Variants in ARHGAP44 observed in about 807,000 individuals in gnomAD.
The protein encoded by ARHGAP44 is rho GTPase-activating protein 44.
ARHGAP44 carries 43 observed loss-of-function variants against 106.8 expected under a neutral mutation model. That is an observed-to-expected ratio of 0.40 (90% confidence interval 0.32 to 0.52). The LOEUF is 0.52. Among genes scored for constraint, ARHGAP44 ranks in the 20% least tolerant of loss-of-function variants. The pLI is 0.48. For missense variants in ARHGAP44, 866 were observed against 1,050.5 expected, an observed-to-expected ratio of 0.82 and a Z score of 2.43; for synonymous variants, 439 against 410.3, an observed-to-expected ratio of 1.07 and a Z score of -0.85.
At chr17:12,854,792 C>G (rs1166374627) in intron 1 of ARHGAP44, among the ~76,000 whole-genome samples, 1 of 151,948 alleles carries the variant, frequency 6.6e-6, no homozygotes, top group Non-Finnish European at 1.5e-5. Flanking sequence ...AACCTCGTCT[C>G]TACTAAAAAT....
intron 16 of ARHGAP44, among the ~76,000 whole-genome samples, chr17:12,969,084 A>G (rs1372907642): frequency 2.0e-5 from 3 of 152,060 alleles, no homozygotes; most frequent in African/African-American, 4.8e-5. Context: ...GTCTATTTCT[A>G]TCAGAGAACT....
chr17:12,879,990 C>T (rs1458248041), intron 1 of ARHGAP44, among the ~76,000 whole-genome samples: 2 of 151,886 alleles, frequency 1.3e-5, no homozygotes, highest in African/African-American at 4.8e-5. Context: ...GTCTTACTGT[C>T]TCAGGTGTGG....
chr17:12,832,142 C>T (rs1261164811), intron 1 of ARHGAP44, among the ~76,000 whole-genome samples: 2 of 152,144 alleles, frequency 1.3e-5, no homozygotes, highest in Non-Finnish European at 2.9e-5. Context: ...GAATGGGAGA[C>T]TGGAGTTTTA....
At chr17:12,840,732 G>A (rs2035366494) in intron 1 of ARHGAP44, among the ~76,000 whole-genome samples, 1 of 152,182 alleles carries the variant, frequency 6.6e-6, no homozygotes, top group Admixed American at 6.5e-5. Context: ...GGTGCCCCAT[G>A]TAAAGAGCGG....
At chr17:12,972,621 CT>C (rs2039554640) in intron 16 of ARHGAP44, among the ~76,000 whole-genome samples, 1 of 151,696 alleles carries the variant, frequency 6.6e-6, no homozygotes, top group Admixed American at 6.6e-5. Flanking sequence ...GCACTCCAGC[CT>C]GGGTGACAAG....
At chr17:12,951,435 G>A (rs1432610259) in intron 12 of ARHGAP44, among the ~76,000 whole-genome samples, 1 of 152,208 alleles carries the variant, frequency 6.6e-6, no homozygotes, top group Non-Finnish European at 1.5e-5. Flanking sequence ...GGACAAGAAT[G>A]TGGTCCTAGG....
intron 2 of ARHGAP44, 150 bp downstream of exon 2, chr17:12,895,129 C>T: frequency 3.0e-6 from 2 of 670,630 alleles, no homozygotes; most frequent in Non-Finnish European, 4.8e-6. Flanking sequence ...GACTCTGTCT[C>T]AAAACAAACA....
intron 16 of ARHGAP44, among the ~76,000 whole-genome samples, chr17:12,964,058 A>C (rs978957876): frequency 6.6e-6 from 1 of 152,240 alleles, no homozygotes; most frequent in African/African-American, 2.4e-5. Flanking sequence ...CACTCTGAGC[A>C]ACAAAGTATT....
At chr17:12,905,255 T>C (rs1323258851) in intron 3 of ARHGAP44, among the ~76,000 whole-genome samples, 1 of 152,172 alleles carries the variant, frequency 6.6e-6, no homozygotes, top group Non-Finnish European at 1.5e-5. Flanking sequence ...GGAGAGGTTA[T>C]GCTCCTTGTT....
intron 1 of ARHGAP44, among the ~76,000 whole-genome samples, chr17:12,873,455 A>G (rs1423019657): frequency 7.9e-5 from 12 of 152,254 alleles, no homozygotes. Context: ...TAATTGCTCT[A>G]ATGATTTGTG....
chr17:12,894,832 C>A, intron 1 of ARHGAP44, 108 bp from the exon 2 acceptor site: 1 of 983,038 alleles, frequency 1.0e-6, no homozygotes, highest in Non-Finnish European at 1.5e-6. Flanking sequence ...GTTTCTACTA[C>A]TCATGTCTCT....
intron 13 of ARHGAP44, among the ~76,000 whole-genome samples, chr17:12,954,379 G>A (rs527999620): frequency 2.6e-5 from 4 of 152,150 alleles, no homozygotes; most frequent in Non-Finnish European, 4.4e-5. Context: ...AGCGGGAATC[G>A]GGTGGTTTCA....
intron 1 of ARHGAP44, among the ~76,000 whole-genome samples, chr17:12,883,302 A>C (rs1057350331): frequency 2.9e-4 from 44 of 151,046 alleles, no homozygotes; most frequent in South Asian, 6.3e-4. Context: ...TCTCTGAGTA[A>C]ATCTTGTAGA....
chr17:12,925,378 C>A (rs1038753663), intron 6 of ARHGAP44, among the ~76,000 whole-genome samples: 2 of 152,148 alleles, frequency 1.3e-5, no homozygotes, highest in Non-Finnish European at 2.9e-5. Flanking sequence ...CACATTACTG[C>A]AGAGTGGAAG....
intron 1 of ARHGAP44, among the ~76,000 whole-genome samples, chr17:12,868,904 C>T (rs2036321912): frequency 6.6e-6 from 1 of 151,628 alleles, no homozygotes; most frequent in Non-Finnish European, 1.5e-5. Flanking sequence ...GATCCACCCA[C>T]CTTGGCCTCC....
chr17:12,942,579 C>T (rs890727323), intron 8 of ARHGAP44, among the ~76,000 whole-genome samples: 2 of 152,196 alleles, frequency 1.3e-5, no homozygotes, highest in Non-Finnish European at 2.9e-5. Context: ...CCAAGCTTTA[C>T]TAGACAGCCT....
intron 1 of ARHGAP44, among the ~76,000 whole-genome samples, chr17:12,870,181 T>C (rs1327380045): frequency 1.3e-5 from 2 of 150,916 alleles, no homozygotes; most frequent in Non-Finnish European, 2.9e-5. Context: ...CCCAAGTAGC[T>C]GAGACTACAA....
At chr17:12,955,110 T>C (rs979230978) in intron 13 of ARHGAP44, among the ~76,000 whole-genome samples, 2 of 152,248 alleles carry the variant, frequency 1.3e-5, no homozygotes, top group Non-Finnish European at 2.9e-5. Context: ...AATACTATAA[T>C]ATGTGGCCTG....
In ARHGAP44 at chr17:12,841,594, T is replaced by TCTCTCTCTCTCACACACA. The variant is rs1417307080; in HGVS notation, c.53+51704_53+51705insTCTCTCTCTCACACACAC. On this transcript the variant is annotated intron_variant, in intron 1 of 20. Transcript: ENST00000379672. ...GAGACCCTGTCTCTCTGTCTCTCTC[T>TCTCTCTCTCTCACACACA]CACACACACACACACACACACACAC... is the stretch of plus-strand genomic sequence containing the variant. Among the ~76,000 whole-genome samples, 792 of 126,368 alleles carry TCTCTCTCTCTCACACACA rather than the reference T, an allele frequency of 6.3e-3. 7 individuals are homozygous for TCTCTCTCTCTCACACACA. The highest frequency in any genetic ancestry group is 0.018 in the East Asian group (70 of 3,806). The allele number at this position is 126,368 out of a possible 152,430, so 82.9% of individuals were successfully genotyped here. A position where few individuals can be genotyped will look rare whatever the true frequency, so the allele number is the denominator to read the frequency against.
Sources: allele counts gnomAD v4.1 joint callset (sites outside exome capture counted in the v4.1 genomes callset), GRCh38; gene constraint gnomAD v4.1.1; transcripts MANE v1.5; gene names NCBI Gene and HGNC (gene_info 2026-07-23, HGNC 2026-07-21).